The following ASCC3 variants were observed in gnomAD, a reference collection of about 807,000 sequenced individuals.
ASCC3 encodes activating signal cointegrator 1 complex subunit 3.
A neutral mutation model predicts 256.3 loss-of-function variants in ASCC3; 158 were observed. The ratio of observed to expected loss-of-function variants is 0.62; its 90% CI spans 0.54 to 0.70. The LOEUF (loss-of-function observed/expected upper bound fraction) is 0.70. ASCC3 is among the 30% of genes least tolerant of loss of function. The probability of loss-of-function intolerance (pLI) is 0.00; values close to 1 mark genes in which losing one functional copy is unlikely to be tolerated. For synonymous variants in ASCC3, 948 were observed against 883.4 expected, an observed-to-expected ratio of 1.07 and a Z score of -1.30; for missense variants, 2,259 against 2,626.0, an observed-to-expected ratio of 0.86 and a Z score of 3.05.
chr6:100,741,015 G>A (rs1171994000), intron 10 of ASCC3, among the ~76,000 whole-genome samples: 2 of 152,172 alleles, frequency 1.3e-5, no homozygotes, highest in Non-Finnish European at 2.9e-5. Flanking sequence ...GTAGTGACTG[G>A]TAATAGTTTT....
intron 8 of ASCC3, among the ~76,000 whole-genome samples, chr6:100,777,752 G>A (rs1782258595): frequency 6.6e-6 from 1 of 152,102 alleles, no homozygotes; most frequent in African/African-American, 2.4e-5. Context: ...ACTGTACAGA[G>A]ATTAGAGTGG....
intron 29 of ASCC3, among the ~76,000 whole-genome samples, chr6:100,626,385 T>C (rs1014761144): frequency 2.0e-5 from 3 of 152,078 alleles, no homozygotes; most frequent in Admixed American, 2.0e-4. Context: ...ACCTTGACTT[T>C]ATTTACATCC....
intron 5 of ASCC3, among the ~76,000 whole-genome samples, 183 bp downstream of exon 5, chr6:100,805,577 C>T (rs1770136505): frequency 6.6e-6 from 1 of 151,986 alleles, no homozygotes; most frequent in Non-Finnish European, 1.5e-5. Context: ...CCAAACACTG[C>T]CCTCCTATTT....
chr6:100,798,906 T>C, intron 7 of ASCC3, 68 bp from the exon 8 acceptor site: 1 of 1,377,248 alleles, frequency 7.3e-7, no homozygotes, highest in Non-Finnish European at 1.0e-6. Context: ...TAAATATTCT[T>C]TAGAGAGAGA....
At chr6:100,845,523 G>A (rs1295262755) in intron 4 of ASCC3, among the ~76,000 whole-genome samples, 1 of 151,910 alleles carries the variant, frequency 6.6e-6, no homozygotes, top group Non-Finnish European at 1.5e-5. Context: ...CAGTTCTTAG[G>A]GCTTCTAACA....
intron 20 of ASCC3, among the ~76,000 whole-genome samples, chr6:100,649,748 T>C (rs534673553): frequency 2.0e-5 from 3 of 151,712 alleles, no homozygotes; most frequent in Admixed American, 2.0e-4. Flanking sequence ...TAAGCTTTAA[T>C]TTCTTCTTAA....
intron 8 of ASCC3, among the ~76,000 whole-genome samples, chr6:100,794,641 C>T (rs1437147073): frequency 6.6e-6 from 1 of 152,018 alleles, no homozygotes; most frequent in Non-Finnish European, 1.5e-5. Flanking sequence ...GCCGAATAAG[C>T]ACAGGATTCA....
chr6:100,755,923 T>C lies in ASCC3; in HGVS notation c.1737+10642A>G, dbSNP rs182658756. Among the ~76,000 whole-genome samples, 348 of 152,138 alleles carry C rather than the reference T, an allele frequency of 2.3e-3. 1 individual carries two copies. The highest frequency in any genetic ancestry group is 7.9e-3 in the African/African-American group (329 of 41,554). ...AAACTCTATAGAAGTAACAAACCTT[T>C]TTTGTAAAAAAATAGTAAACTTTTT... On this transcript the variant is annotated intron_variant, in intron 10 of 41. Transcript: ENST00000369162.
intron 13 of ASCC3, among the ~76,000 whole-genome samples, chr6:100,683,291 G>A (rs987776249): frequency 6.6e-6 from 1 of 152,040 alleles, no homozygotes; most frequent in Non-Finnish European, 1.5e-5. Flanking sequence ...TAGCAGATAT[G>A]GAGAACATAA....
intron 14 of ASCC3, among the ~76,000 whole-genome samples, chr6:100,667,627 G>C (rs886072304): frequency 1.3e-5 from 2 of 152,070 alleles, no homozygotes; most frequent in African/African-American, 4.8e-5. Flanking sequence ...AAGACTGGAT[G>C]ACTGTCTAGA....
At chr6:100,774,041 G>T (rs1410063892) in intron 8 of ASCC3, among the ~76,000 whole-genome samples, 1 of 152,020 alleles carries the variant, frequency 6.6e-6, no homozygotes, top group Admixed American at 6.6e-5. Flanking sequence ...CATTCTAATC[G>T]ATTCAACATT....
intron 1 of ASCC3, among the ~76,000 whole-genome samples, chr6:100,868,920 A>G (rs2114558303): frequency 6.6e-6 from 1 of 152,334 alleles, no homozygotes; most frequent in Middle Eastern, 3.4e-3. Flanking sequence ...CAAAAAGATT[A>G]ATAATATTTA....
At chr6:100,723,863 TATATATATA>T (rs1779463197) in intron 11 of ASCC3, among the ~76,000 whole-genome samples, 9 of 6,710 alleles carry the variant, frequency 1.3e-3, no homozygotes, top group South Asian at 8.2e-3. Context: ...TAGGGAATTA[TATATATATA>T]TATATATATA....
At chr6:100,773,704 A>G (rs1164556691) in intron 8 of ASCC3, among the ~76,000 whole-genome samples, 3 of 152,126 alleles carry the variant, frequency 2.0e-5, no homozygotes, top group Non-Finnish European at 4.4e-5. Flanking sequence ...TACTCTTTGT[A>G]TTACTCCAGT....
intron 2 of ASCC3, among the ~76,000 whole-genome samples, chr6:100,867,149 A>G (rs1337266056): frequency 1.3e-5 from 2 of 152,186 alleles, no homozygotes; most frequent in Non-Finnish European, 2.9e-5. Context: ...CCTTCGATAA[A>G]ACAAAAATGA....
rs143870525 is a variant in ASCC3, at chr6:100,517,576, G to T, written c.5927+415C>A. On this transcript the variant is annotated intron_variant, in intron 38 of 41. Transcript: ENST00000369162. ...ATAACCACCTAGTTTGGGACATTTTGCAGATGCACAATTTACTTTTGACAA... is the reference window on the plus strand; with the variant it reads ...ATAACCACCTAGTTTGGGACATTTTTCAGATGCACAATTTACTTTTGACAA... Among the ~76,000 whole-genome samples, 388 of 152,156 alleles carry T rather than the reference G, an allele frequency of 2.6e-3. 7 individuals are homozygous for T. The highest frequency in any genetic ancestry group is 8.7e-3 in the African/African-American group (362 of 41,500).
intron 8 of ASCC3, among the ~76,000 whole-genome samples, chr6:100,788,266 T>C (rs897564826): frequency 2.0e-5 from 3 of 151,984 alleles, no homozygotes; most frequent in African/African-American, 7.2e-5. Context: ...CATAATGAGA[T>C]ACTACTACAC....
intron 4 of ASCC3, among the ~76,000 whole-genome samples, chr6:100,813,049 A>G (rs1770556406): frequency 6.6e-6 from 1 of 152,214 alleles, no homozygotes; most frequent in African/African-American, 2.4e-5. Flanking sequence ...GTGCACCAAC[A>G]TACACATAAT....
Position 100,860,692 on chromosome 6 carries a change from A to G in ASCC3, c.241+3372T>C, listed in dbSNP as rs920335256. On this transcript the variant is annotated intron_variant, in intron 3 of 41. Coordinates refer to ENST00000369162, the MANE Select transcript of ASCC3 (RefSeq NM_006828.4). ...GACTTCACTACTGTGAAGGGAGAAG[A>G]CAGGAAAATAATTATGAAACAAGTA... 2.0e-5 allele frequency among the ~76,000 whole-genome samples: 3 copies of G among 152,072 alleles called. No homozygotes were observed. The East Asian group carries it at 5.8e-4, about 29-fold the overall frequency.
Sources: gnomAD v4.1 joint callset for allele counts (sites outside exome capture counted in the v4.1 genomes callset) on GRCh38, gnomAD v4.1.1 for gene constraint, MANE v1.5 for transcripts, NCBI Gene and HGNC (gene_info 2026-07-23, HGNC 2026-07-21) for gene names.